The following MSRA variants were observed in gnomAD, a reference collection of about 807,000 sequenced individuals.
MSRA encodes the protein mitochondrial peptide methionine sulfoxide reductase.
In MSRA, 54 loss-of-function variants were observed where a neutral mutation model predicts 31.3. The observed-to-expected ratio is 1.73, with a 90% CI of 1.39 to 2.17. The LOEUF is 2.17. Among genes scored for constraint, MSRA ranks in the 30% most tolerant of loss-of-function variants. The pLI, the probability that MSRA is intolerant of heterozygous loss-of-function variation, is 0.00. For missense variants in MSRA, 507 were observed against 300.9 expected (o/e 1.69, Z -5.07); for synonymous variants, 169 against 116.5 (o/e 1.45, Z -2.90).
intron 4 of MSRA, among the ~76,000 whole-genome samples, chr8:10,315,924 C>G (rs982276718): frequency 1.3e-5 from 2 of 152,214 alleles, no homozygotes; most frequent in Admixed American, 6.5e-5. Flanking sequence ...AAAATTCACA[C>G]TATGATAACT....
At chr8:10,354,966 C>T (rs1252438150) in intron 5 of MSRA, among the ~76,000 whole-genome samples, 4 of 151,982 alleles carry the variant, frequency 2.6e-5, no homozygotes, top group Non-Finnish European at 4.4e-5. Context: ...ATGGTTAGTT[C>T]CCTAGAATAA....
rs59393980 is a variant in MSRA, at chr8:10,219,806, C to CAAAAA, written c.211+11923_211+11927dup. 1.2e-4 allele frequency among the ~76,000 whole-genome samples: 7 copies of CAAAAA among 57,122 alleles called. 1 individual carries two copies. Among genetic ancestry groups the CAAAAA allele is most frequent in the Admixed American group, 2.3e-4 (1 of 4,258 alleles). The allele number at this position is 57,122 out of a possible 152,430, so 37.5% of individuals were successfully genotyped here. On this transcript the variant is annotated intron_variant, in intron 2 of 5. Coordinates refer to ENST00000317173, the MANE Select transcript of MSRA (RefSeq NM_012331.5). ...GGACGACAGATCGAGACTCTGTCTC[C>CAAAAA]AAAAAAAAAAAAAAAAAAAAAAGAT...
intron 1 of MSRA, among the ~76,000 whole-genome samples, chr8:10,149,598 G>A (rs558956752): frequency 5.3e-5 from 8 of 152,120 alleles, no homozygotes; most frequent in Admixed American, 3.9e-4. Flanking sequence ...GCAGGCTAAC[G>A]TTTTAATAAC....
At chr8:10,322,063 C>G (rs1216705146) in intron 5 of MSRA, among the ~76,000 whole-genome samples, 1 of 152,134 alleles carries the variant, frequency 6.6e-6, no homozygotes, top group African/African-American at 2.4e-5. Flanking sequence ...GGTGGGCTAA[C>G]CTGGGCATTT....
intron 1 of MSRA, among the ~76,000 whole-genome samples, chr8:10,072,577 C>A (rs1797789498): frequency 6.6e-6 from 1 of 152,118 alleles, no homozygotes. Context: ...ATTGTTTTAG[C>A]TGTTCTAAGG....
chr8:10,153,447 AT>A (rs1803882843), intron 1 of MSRA, among the ~76,000 whole-genome samples: 2 of 151,712 alleles, frequency 1.3e-5, no homozygotes, highest in South Asian at 2.1e-4. Flanking sequence ...ACTCCCTCAC[AT>A]TTGGTTGTCT....
At chr8:10,201,486 C>G (rs1344640761) in intron 1 of MSRA, among the ~76,000 whole-genome samples, 1 of 152,160 alleles carries the variant, frequency 6.6e-6, no homozygotes, top group Non-Finnish European at 1.5e-5. Context: ...CCACTGCTTT[C>G]CCCACCCTCC....
At chr8:10,256,014 C>A (rs566546094) in intron 3 of MSRA, among the ~76,000 whole-genome samples, 1 of 151,996 alleles carries the variant, frequency 6.6e-6, no homozygotes, top group Non-Finnish European at 1.5e-5. Context: ...CCATAGTTTG[C>A]GTTGAGTTCA....
chr8:10,089,625 T>G (rs537102501), intron 1 of MSRA, among the ~76,000 whole-genome samples: 2 of 152,222 alleles, frequency 1.3e-5, no homozygotes, highest in Admixed American at 6.5e-5. Context: ...CTGGATAATT[T>G]ATACAGAAAA....
At chr8:10,064,380 G>A (rs147810114) in intron 1 of MSRA, among the ~76,000 whole-genome samples, 1 of 151,734 alleles carries the variant, frequency 6.6e-6, no homozygotes, top group African/African-American at 2.4e-5. Context: ...TTAAAGGCAT[G>A]GTTTCTTGTA....
At chr8:10,148,859 G>A (rs891820679) in intron 1 of MSRA, among the ~76,000 whole-genome samples, 2 of 148,288 alleles carry the variant, frequency 1.3e-5, no homozygotes, top group Non-Finnish European at 3.0e-5. Context: ...AACTTGTTGA[G>A]AAGTAATTAA....
At chr8:10,121,601 C>T (rs1438881000) in intron 1 of MSRA, among the ~76,000 whole-genome samples, 2 of 152,130 alleles carry the variant, frequency 1.3e-5, no homozygotes, top group Non-Finnish European at 2.9e-5. Flanking sequence ...ATTAATTTGC[C>T]TATGTGATGA....
chr8:10,100,783 T>C (rs1203519211), intron 1 of MSRA, among the ~76,000 whole-genome samples: 4 of 152,150 alleles, frequency 2.6e-5, no homozygotes, highest in Non-Finnish European at 5.9e-5. Context: ...CTGTGTGTGT[T>C]CTGTATTGCA....
At chr8:10,111,972 G>A (rs1161512306) in intron 1 of MSRA, among the ~76,000 whole-genome samples, 1 of 152,092 alleles carries the variant, frequency 6.6e-6, no homozygotes, top group Admixed American at 6.5e-5. Flanking sequence ...TTTTGTGGCT[G>A]CTCTTGGTGA....
At chr8:10,056,675 C>A (rs989899550) in intron 1 of MSRA, among the ~76,000 whole-genome samples, 16 of 152,082 alleles carry the variant, frequency 1.1e-4, no homozygotes, top group Admixed American at 9.8e-4. Context: ...TGCTGAAAGC[C>A]CTGACTGGCT....
Position 10,314,363 on chromosome 8 carries a change from G to T in MSRA, c.437-5520G>T, listed in dbSNP as rs565271171. Among the ~76,000 whole-genome samples, 5 of 152,024 alleles carry T rather than the reference G, an allele frequency of 3.3e-5. No individual in the cohort carries two copies. The South Asian group carries it at 1.0e-3, about 32-fold the overall frequency. On this transcript the variant is annotated intron_variant, in intron 4 of 5. Transcript: ENST00000317173. ...GACAGACTGCTGAGAGAAAAAATGG[G>T]CAAAGGACTTGAATTGTGGCAAAGA...
At chr8:10,326,066 A>G (rs17707988) in intron 5 of MSRA, among the ~76,000 whole-genome samples, 18,854 of 152,244 alleles carry the variant, frequency 0.12, 1,274 homozygotes, top group Middle Eastern at 0.14. Context: ...TTCTGGCCCC[A>G]TCACTACATT....
chr8:10,245,294 G>C, intron 3 of MSRA, 71 bp downstream of exon 3: 2 of 1,375,722 alleles, frequency 1.5e-6, no homozygotes, highest in South Asian at 2.7e-5. Context: ...TTGGGTGACA[G>C]GCTCTTTAAA....
chr8:10,404,966 G>A (rs1807710897), intron 5 of MSRA, among the ~76,000 whole-genome samples: 1 of 152,298 alleles, frequency 6.6e-6, no homozygotes, highest in South Asian at 2.1e-4. Flanking sequence ...CACGATGGCC[G>A]AGCTGCCTTA....
Sources: gnomAD v4.1 joint callset for allele counts (sites outside exome capture counted in the v4.1 genomes callset) on GRCh38, gnomAD v4.1.1 for gene constraint, MANE v1.5 for transcripts, NCBI Gene and HGNC (gene_info 2026-07-23, HGNC 2026-07-21) for gene names.